The following SRPX variants were observed in gnomAD, a reference collection of about 807,000 sequenced individuals.
SRPX encodes the protein sushi repeat-containing protein SRPX.
A neutral mutation model predicts 38.1 loss-of-function variants in SRPX; 24 were observed. That is an observed-to-expected ratio of 0.63 (90% CI 0.46 to 0.89). SRPX has a LOEUF of 0.89. SRPX is among the 40% of genes least tolerant of loss of function. The pLI, the probability that SRPX is intolerant of heterozygous loss-of-function variation, is 0.00. For synonymous variants in SRPX, 184 were observed against 153.8 expected, an observed-to-expected ratio of 1.20 and a Z score of -1.45; for missense variants, 416 against 377.8, an observed-to-expected ratio of 1.10 and a Z score of -0.84.
At chrX:38,177,547 C>CT (rs1938587829) in intron 2 of SRPX, among the ~76,000 whole-genome samples, 1 of 40,213 alleles carries the variant, frequency 2.5e-5, no homozygotes, top group African/African-American at 6.7e-5. Flanking sequence ...CTTTGTTAAC[C>CT]ATTTTTTTTT....
At position 38,151,343 on chromosome X, in the gene SRPX, G is replaced by A. The variant is rs79278923; in HGVS notation, c.1212-1449C>T. Among the ~76,000 whole-genome samples, 395 of 112,295 alleles carry A rather than the reference G, an allele frequency of 3.5e-3. 20 individuals carry two copies. In the East Asian group the frequency reaches 0.08, roughly 23 times the overall value. The stretch of plus-strand genomic sequence containing the variant: ...GAGATAAAATGCTCTGCATCTTTAA[G>A]GGGAAGGATATTGAGTTTTCTTTTG... On this transcript the variant is annotated intron_variant, in intron 9 of 9. Coordinates refer to ENST00000378533, the MANE Select transcript of SRPX (RefSeq NM_006307.5).
chrX:38,216,488 T>C lies in SRPX; in HGVS notation c.97+4208A>G, dbSNP rs146324395. On this transcript the variant is annotated intron_variant, in intron 1 of 9. Coordinates refer to ENST00000378533, the MANE Select transcript of SRPX (RefSeq NM_006307.5). ...CCCAAATTTCCCAGAGATTCAGGCT[T>C]AAAAGACCACCCTCCTAAAACAAAT... 7.4e-3 allele frequency among the ~76,000 whole-genome samples: 836 copies of C among 112,660 alleles called. 5 individuals carry two copies. The highest frequency in any genetic ancestry group is 0.014 in the Middle Eastern group (3 of 217).
At position 38,220,838 on chromosome X, in the gene SRPX, G is replaced by T; in HGVS notation, c.-46C>A. On this transcript the variant is annotated 5_prime_UTR_variant, in exon 1 of 10. Transcript: ENST00000378533. ...GCCTCGGCAGCGCAGCGCGCTTCCC[G>T]GGGGCGGCAGGAGACCGAAGAGACC... 1.9e-6 allele frequency: 2 copies of T among 1,063,587 alleles called. No individual in the cohort carries two copies. The highest frequency in any genetic ancestry group is 2.4e-6 in the Non-Finnish European group (2 of 832,282). 87.7% of individuals were successfully genotyped at this position (1,063,587 alleles called of 1,213,427 possible).
At chrX:38,159,359 G>A (rs1938194727) in intron 7 of SRPX, among the ~76,000 whole-genome samples, 3 of 112,352 alleles carry the variant, frequency 2.7e-5, no homozygotes, top group South Asian at 7.4e-4. Context: ...AAGATGAAAG[G>A]GTGCCAGGAA....
chrX:38,175,906 A>G (rs1443273880), intron 2 of SRPX, among the ~76,000 whole-genome samples: 1 of 111,569 alleles, frequency 9.0e-6, no homozygotes, highest in Non-Finnish European at 1.9e-5. Flanking sequence ...GTTTTAATAT[A>G]ATCTGTATGT....
intron 6 of SRPX, 146 bp from the exon 7 acceptor site, chrX:38,160,342 TTGGTCAGTGAGTGAGTCTTGCAA>T: frequency 3.6e-6 from 2 of 562,145 alleles, no homozygotes; most frequent in Non-Finnish European, 5.6e-6. Context: ...GGATGACTAT[TTGGTCAGTGAGTGAGTCTTGCAA>T]TGGTCACCAT....
At chrX:38,194,863 G>GTTTTT (rs35179239) in intron 1 of SRPX, among the ~76,000 whole-genome samples, 2 of 53,667 alleles carry the variant, frequency 3.7e-5, no homozygotes, top group Admixed American at 2.4e-4. Context: ...TTTGTTTTTG[G>GTTTTT]TTTTTTTTTT....
chrX:38,152,727 A>T (rs1160455816), intron 9 of SRPX, among the ~76,000 whole-genome samples: 1 of 112,405 alleles, frequency 8.9e-6, no homozygotes, highest in African/African-American at 3.2e-5. Context: ...AAACAGTTTA[A>T]AATCACATCA....
rs1217261541 is a variant in SRPX at position 38,220,676 on chromosome X, A to T, written c.97+20T>A. On this transcript the variant is annotated intron_variant, in intron 1 of 9. Coordinates refer to ENST00000378533, the MANE Select transcript of SRPX (RefSeq NM_006307.5). Reference sequence around the variant, plus strand: ...GTCTTTGGTGCCCAGCTGAGGAGGCAGCCACGCCTCCGATCCTACCTGGGA... The same window carrying T: ...GTCTTTGGTGCCCAGCTGAGGAGGCTGCCACGCCTCCGATCCTACCTGGGA... 3.4e-6 allele frequency: 4 copies of T among 1,186,022 alleles called. No individual in the cohort carries two copies. The South Asian group carries it at 7.3e-5, about 22-fold the overall frequency.
In SRPX at chrX:38,164,169, G is replaced by T. The variant is rs193207936; in HGVS notation, c.653+600C>A. 4.7e-3 allele frequency among the ~76,000 whole-genome samples: 507 copies of T among 107,783 alleles called. 6 individuals carry two copies. Among genetic ancestry groups the T allele is most frequent in the African/African-American group, 0.017 (487 of 29,415 alleles). 93.6% of individuals were successfully genotyped at this position (107,783 alleles called of 115,157 possible). On this transcript the variant is annotated intron_variant, in intron 5 of 9. Coordinates refer to ENST00000378533, the MANE Select transcript of SRPX (RefSeq NM_006307.5). Reference sequence around the variant, plus strand: ...TTTTTTTTAATTTTTTTGAGATGGCGTCTCACTCTGTCACCCAGGCTGGAG... The same window carrying T: ...TTTTTTTTAATTTTTTTGAGATGGCTTCTCACTCTGTCACCCAGGCTGGAG...
At chrX:38,209,003 T>A (rs55796031) in intron 1 of SRPX, among the ~76,000 whole-genome samples, 12,833 of 106,666 alleles carry the variant, frequency 0.12, 755 homozygotes, top group Middle Eastern at 0.21. Context: ...TATATATATT[T>A]TTTTTTTGCA....
chrX:38,220,004 A>G (rs981262819), intron 1 of SRPX, among the ~76,000 whole-genome samples: 2 of 112,932 alleles, frequency 1.8e-5, no homozygotes, highest in African/African-American at 6.4e-5. Flanking sequence ...GCCCCCTTAG[A>G]TGCCGGAGAC....
chrX:38,199,330 C>T (rs1428069537), intron 1 of SRPX, among the ~76,000 whole-genome samples: 3 of 111,314 alleles, frequency 2.7e-5, no homozygotes, highest in Non-Finnish European at 5.7e-5. Context: ...GGCGTGAACC[C>T]GGGAGGCGGA....
chrX:38,165,445 C>T (rs1292609961), intron 4 of SRPX, among the ~76,000 whole-genome samples: 2 of 111,698 alleles, frequency 1.8e-5, no homozygotes, highest in African/African-American at 3.3e-5. Context: ...GAGAATTTGC[C>T]ATGTATTGGA....
At chrX:38,171,060 A>G (rs1452103484) in intron 4 of SRPX, among the ~76,000 whole-genome samples, 8 of 111,414 alleles carry the variant, frequency 7.2e-5, no homozygotes, top group Admixed American at 1.9e-4. Context: ...ACAAAGAATT[A>G]TTTGGCCCCA....
In SRPX at chrX:38,184,396, T is replaced by G. The variant is rs1347674443; in HGVS notation, c.98-6052A>C. Among the ~76,000 whole-genome samples the G allele has an allele frequency of 6.3e-5, 7 of 111,997 alleles. No homozygotes were observed. In the East Asian group the frequency reaches 1.9e-3, roughly 31 times the overall value. On this transcript the variant is annotated intron_variant, in intron 1 of 9. Coordinates refer to ENST00000378533, the MANE Select transcript of SRPX (RefSeq NM_006307.5). ...ATCATTATTCTAGACATAATTTTAATATTGTCAGAAAGAAGCATATTTAAT... is the reference window on the plus strand; with the variant it reads ...ATCATTATTCTAGACATAATTTTAAGATTGTCAGAAAGAAGCATATTTAAT...
At chrX:38,199,172 C>T (rs750412028) in intron 1 of SRPX, among the ~76,000 whole-genome samples, 70 of 111,549 alleles carry the variant, frequency 6.3e-4, no homozygotes, top group Non-Finnish European at 1.2e-3. Flanking sequence ...TTTGGGAGGC[C>T]GAGGCGGGTG....
intron 3 of SRPX, 85 bp from the exon 4 acceptor site, chrX:38,172,142 T>G: frequency 9.7e-7 from 1 of 1,034,151 alleles, no homozygotes; most frequent in Non-Finnish European, 1.3e-6. Flanking sequence ...TCTGAAAGCA[T>G]GAGGTGAAAA....
intron 1 of SRPX, among the ~76,000 whole-genome samples, chrX:38,202,250 A>G (rs1939125398): frequency 9.0e-6 from 1 of 111,706 alleles, no homozygotes; most frequent in Non-Finnish European, 1.9e-5. Flanking sequence ...CTTGCTCAAT[A>G]AACTTTTTTT....
Sources: gnomAD v4.1 joint callset for allele counts (sites outside exome capture counted in the v4.1 genomes callset) on GRCh38, gnomAD v4.1.1 for gene constraint, MANE v1.5 for transcripts, NCBI Gene and HGNC (gene_info 2026-07-23, HGNC 2026-07-21) for gene names.